Variants in CAMTA1 observed in about 807,000 individuals in gnomAD.
The protein encoded by CAMTA1 is calmodulin-binding transcription activator 1.
A neutral mutation model predicts 170.9 loss-of-function variants in CAMTA1; 27 were observed. That is an observed-to-expected ratio of 0.16 (90% confidence interval 0.12 to 0.22). The LOEUF is 0.22. Among genes scored for constraint, CAMTA1 ranks in the 10% least tolerant of loss-of-function variants. The probability of loss-of-function intolerance (pLI) is 1.00; values close to 1 mark genes in which losing one functional copy is unlikely to be tolerated. For missense variants in CAMTA1, 1,619 were observed against 2,217.2 expected (o/e 0.73, Z 5.42); for synonymous variants, 833 against 891.5 (o/e 0.93, Z 1.17).
chr1:7,324,765 C>T (rs547411367), intron 5 of CAMTA1, among the ~76,000 whole-genome samples: 1 of 150,896 alleles, frequency 6.6e-6, no homozygotes, highest in South Asian at 2.1e-4. Flanking sequence ...CGAGATCGCG[C>T]CACTGCACTC....
intron 4 of CAMTA1, among the ~76,000 whole-genome samples, chr1:7,107,238 C>G (rs1180063271): frequency 6.7e-6 from 1 of 149,552 alleles, no homozygotes; most frequent in East Asian, 2.0e-4. Flanking sequence ...ACGGCACACG[C>G]AGGAGAGCCT....
intron 5 of CAMTA1, among the ~76,000 whole-genome samples, chr1:7,380,791 A>G (rs2087238240): frequency 6.6e-6 from 1 of 152,224 alleles, no homozygotes; most frequent in Admixed American, 6.5e-5. Context: ...GGCTCTATGA[A>G]AACTACCTTG....
At chr1:7,662,478 G>A (rs2095968665) in intron 8 of CAMTA1, among the ~76,000 whole-genome samples, 1 of 152,070 alleles carries the variant, frequency 6.6e-6, no homozygotes, top group Admixed American at 6.6e-5. Context: ...TGGTGGTGAG[G>A]CCATAACAGG....
At chr1:7,098,118 T>TGC (rs1181277682) in intron 4 of CAMTA1, among the ~76,000 whole-genome samples, 12 of 152,084 alleles carry the variant, frequency 7.9e-5, no homozygotes, top group African/African-American at 2.7e-4. Flanking sequence ...TGTGTGTGTG[T>TGC]GTGCACGTGC....
intron 3 of CAMTA1, among the ~76,000 whole-genome samples, chr1:6,937,424 C>A (rs1319558411): frequency 6.6e-6 from 1 of 151,642 alleles, no homozygotes; most frequent in Non-Finnish European, 1.5e-5. Context: ...ATCACCACTA[C>A]CATCATCACC....
chr1:7,334,674 A>G (rs190483403), intron 5 of CAMTA1, among the ~76,000 whole-genome samples: 1 of 152,304 alleles, frequency 6.6e-6, no homozygotes, highest in African/African-American at 2.4e-5. Flanking sequence ...GATACGGTTT[A>G]AAAATATACT....
intron 5 of CAMTA1, among the ~76,000 whole-genome samples, chr1:7,314,281 T>C (rs1416319950): frequency 6.6e-6 from 1 of 152,190 alleles, no homozygotes; most frequent in Non-Finnish European, 1.5e-5. Context: ...AAGCCAGCTC[T>C]GCAGAGGACA....
Position 7,748,421 on chromosome 1 carries a change from C to A in CAMTA1, c.4689+640C>A, listed in dbSNP as rs773747614. The stretch of plus-strand genomic sequence containing the variant: ...CCAGAGGAAAACAAAATAAAACCAT[C>A]TGCAATTAGACTTGTACCGCAAAAG... On this transcript the variant is annotated intron_variant, in intron 19 of 22. Coordinates refer to ENST00000303635, the MANE Select transcript of CAMTA1 (RefSeq NM_015215.4). The surrounding 1 kb of genome is among the most constrained non-coding windows in gnomAD (Gnocchi z 4.7). Among the ~76,000 whole-genome samples the A allele has an allele frequency of 6.6e-4, 101 of 152,256 alleles. No individual in the cohort carries two copies. Among genetic ancestry groups the A allele is most frequent in the Non-Finnish European group, 1.2e-3 (81 of 68,022 alleles).
At chr1:7,515,990 C>T (rs1575747164) in intron 6 of CAMTA1, among the ~76,000 whole-genome samples, 1 of 152,186 alleles carries the variant, frequency 6.6e-6, no homozygotes, top group Non-Finnish European at 1.5e-5. Flanking sequence ...TGCATATGCC[C>T]TTGCCCTGTG....
At chr1:7,154,808 C>T (rs769289271) in intron 4 of CAMTA1, among the ~76,000 whole-genome samples, 12 of 152,150 alleles carry the variant, frequency 7.9e-5, no homozygotes, top group Non-Finnish European at 1.5e-4. Flanking sequence ...TCTTTACTGT[C>T]CAGGAGTTAA....
At position 7,510,013 on chromosome 1, in the gene CAMTA1, C is replaced by CAA. The variant is rs111430608; in HGVS notation, c.510+42123_510+42124dup. On this transcript the variant is annotated intron_variant, in intron 6 of 22. Coordinates refer to ENST00000303635, the MANE Select transcript of CAMTA1 (RefSeq NM_015215.4). ...CCTGCAAAAACAAACAAACAAACAA[C>CAA]AAAAAAAAAAAACACTGTCCTCCGA... is the stretch of plus-strand genomic sequence containing the variant. Among the ~76,000 whole-genome samples, 322 of 136,358 alleles carry CAA rather than the reference C, an allele frequency of 2.4e-3. 13 individuals carry two copies. Among genetic ancestry groups the CAA allele is most frequent in the African/African-American group, 7.2e-3 (257 of 35,590 alleles). The allele number at this position is 136,358 out of a possible 152,430, so 89.5% of individuals were successfully genotyped here.
At position 7,249,715 on chromosome 1, in the gene CAMTA1, G is replaced by A; in HGVS notation, c.438+89G>A. 6.9e-7 allele frequency: 1 copy of A among 1,446,094 alleles called. No individual in the cohort carries two copies. Among genetic ancestry groups the A allele is most frequent in the Non-Finnish European group, 9.3e-7 (1 of 1,070,800 alleles). 89.6% of individuals were successfully genotyped at this position (1,446,094 alleles called of 1,614,324 possible). A position where few individuals can be genotyped will look rare whatever the true frequency, so the allele number is the denominator to read the frequency against. On this transcript the variant is annotated intron_variant, in intron 5 of 22. Transcript: ENST00000303635. This position sits in a 1 kb window ranked among gnomAD's most constrained non-coding sequence, Gnocchi z 4.4. Reference sequence around the variant, plus strand: ...AATTGCTTGGAGTAATTTGATGCGAGTCACCTCTGTCCAAAGAATTTTTGT... The same window carrying A: ...AATTGCTTGGAGTAATTTGATGCGAATCACCTCTGTCCAAAGAATTTTTGT...
At chr1:6,974,234 G>A (rs958392120) in intron 3 of CAMTA1, among the ~76,000 whole-genome samples, 3 of 152,322 alleles carry the variant, frequency 2.0e-5, no homozygotes, top group Middle Eastern at 3.4e-3. Context: ...GGGGAAACCC[G>A]GAGTCGGAGA....
rs964128230 is a variant in CAMTA1 at position 7,455,389 on chromosome 1, G to T, written c.439-12441G>T. Among the ~76,000 whole-genome samples the T allele has an allele frequency of 6.6e-6, 1 of 152,202 alleles. No individual in the cohort carries two copies. Among genetic ancestry groups the T allele is most frequent in the Non-Finnish European group, 1.5e-5 (1 of 68,032 alleles). ...CCCATTAATTCTGCATGCTCAGGCC[G>T]AATTAACCTTGGCAAGCCTTCAAGA... is the stretch of plus-strand genomic sequence containing the variant. On this transcript the variant is annotated intron_variant, in intron 5 of 22. Transcript: ENST00000303635. The surrounding 1 kb of genome is among the most constrained non-coding windows in gnomAD (Gnocchi z 5.0).
At chr1:7,373,469 G>A (rs919298262) in intron 5 of CAMTA1, among the ~76,000 whole-genome samples, 1 of 152,134 alleles carries the variant, frequency 6.6e-6, no homozygotes, top group African/African-American at 2.4e-5. Flanking sequence ...TCAGTCCACC[G>A]CCTCTCCCCT....
chr1:7,595,265 G>T (rs189303063), intron 6 of CAMTA1, among the ~76,000 whole-genome samples: 2 of 152,298 alleles, frequency 1.3e-5, no homozygotes, highest in Non-Finnish European at 2.9e-5. Flanking sequence ...AAGCAAGTTG[G>T]CAAACTCAGA....
intron 5 of CAMTA1, among the ~76,000 whole-genome samples, chr1:7,310,830 A>G (rs1372556144): frequency 6.6e-6 from 1 of 151,082 alleles, no homozygotes; most frequent in Non-Finnish European, 1.5e-5. Context: ...TCCTGGGTTC[A>G]AGCAATTCTC....
At chr1:7,587,579 A>G (rs940943941) in intron 6 of CAMTA1, among the ~76,000 whole-genome samples, 1 of 152,068 alleles carries the variant, frequency 6.6e-6, no homozygotes, top group Non-Finnish European at 1.5e-5. Flanking sequence ...CAGCTTCCCC[A>G]TGTCAGGCCT....
rs1373534965 is a variant in CAMTA1, at chr1:7,413,236, C to T, written c.439-54594C>T. On this transcript the variant is annotated intron_variant, in intron 5 of 22. Coordinates refer to ENST00000303635, the MANE Select transcript of CAMTA1 (RefSeq NM_015215.4). ...TTGGCTTAAGATTGACTTGGTGATG[C>T]GGGCTCTTTTTTGGTTCCATATGAA... Among the ~76,000 whole-genome samples the T allele has an allele frequency of 1.8e-4, 27 of 152,250 alleles. No homozygotes were observed. The South Asian group carries it at 5.4e-3, about 30-fold the overall frequency.
Sources: allele counts gnomAD v4.1 joint callset (sites outside exome capture counted in the v4.1 genomes callset), GRCh38; gene constraint gnomAD v4.1.1; non-coding constraint Gnocchi (gnomAD v3.1); transcripts MANE v1.5; gene names NCBI Gene and HGNC (gene_info 2026-07-23, HGNC 2026-07-21).